Variants in ADD3 observed in about 807,000 individuals in gnomAD.
The protein encoded by ADD3 is gamma-adducin.
ADD3 carries 25 observed loss-of-function variants against 80.2 expected under a neutral mutation model. The observed-to-expected ratio is 0.31, with a 90% CI of 0.23 to 0.44. ADD3 has a LOEUF of 0.44. ADD3 is among the 20% of genes least tolerant of loss of function. The pLI, the probability that ADD3 is intolerant of heterozygous loss-of-function variation, is 1.00. For missense variants in ADD3, 829 were observed against 847.5 expected, an observed-to-expected ratio of 0.98 and a Z score of 0.27; for synonymous variants, 284 against 289.6, an observed-to-expected ratio of 0.98 and a Z score of 0.20.
intron 1 of ADD3, among the ~76,000 whole-genome samples, chr10:110,050,266 C>T (rs947875319): frequency 6.6e-6 from 1 of 152,096 alleles, no homozygotes; most frequent in Non-Finnish European, 1.5e-5. Context: ...TTGTAGCTCC[C>T]ATAATTCCCA....
rs770015423 is a variant in ADD3 at position 110,118,746 on chromosome 10, T to C, written c.717+10T>C. On this transcript the variant is annotated intron_variant, in intron 6 of 14. Coordinates refer to ENST00000356080, the MANE Select transcript of ADD3 (RefSeq NM_016824.5). ...CCTTGCAACAGCAGCTGTAAGTCAA[T>C]GAAAGTCCAAAACTGACAGGACGCT... is the stretch of plus-strand genomic sequence containing the variant. 5 of 1,612,352 alleles carry C rather than the reference T, an allele frequency of 3.1e-6. No homozygotes were observed. The African/African-American group carries it at 6.7e-5, about 22-fold the overall frequency.
intron 1 of ADD3, among the ~76,000 whole-genome samples, chr10:110,087,762 T>C (rs1272073617): frequency 8.5e-5 from 13 of 152,204 alleles, no homozygotes; most frequent in Admixed American, 2.6e-4. Flanking sequence ...AAAATAGATA[T>C]TAGGATGGAA....
intron 2 of ADD3, among the ~76,000 whole-genome samples, chr10:110,106,436 T>C (rs1295048791): frequency 6.6e-6 from 1 of 152,096 alleles, no homozygotes; most frequent in Non-Finnish European, 1.5e-5. Flanking sequence ...TGACCTTGGA[T>C]ACAGAGTTTT....
At chr10:110,038,069 CAAAAAA>C (rs754609555) in intron 1 of ADD3, among the ~76,000 whole-genome samples, 884 of 43,898 alleles carry the variant, frequency 0.02, 9 homozygotes, top group African/African-American at 0.048. Flanking sequence ...AACTCCGTCT[CAAAAAA>C]AAAAAAAAAA....
chr10:110,023,618 T>G (rs1853945132), intron 1 of ADD3, among the ~76,000 whole-genome samples: 1 of 152,204 alleles, frequency 6.6e-6, no homozygotes, highest in African/African-American at 2.4e-5. Context: ...AAGAGAACAC[T>G]TGTACTACTT....
intron 1 of ADD3, among the ~76,000 whole-genome samples, chr10:110,070,645 T>G (rs1844562267): frequency 6.6e-6 from 1 of 152,114 alleles, no homozygotes; most frequent in Non-Finnish European, 1.5e-5. Flanking sequence ...CCTTCTATCA[T>G]GCCACTGAGT....
At chr10:110,048,165 T>C (rs1210274504) in intron 1 of ADD3, among the ~76,000 whole-genome samples, 2 of 151,806 alleles carry the variant, frequency 1.3e-5, no homozygotes, top group African/African-American at 4.9e-5. Context: ...GCTTGATCAT[T>C]CTCTCTTGTC....
chr10:110,092,070 A>G (rs928724916), intron 1 of ADD3, among the ~76,000 whole-genome samples: 1 of 152,212 alleles, frequency 6.6e-6, no homozygotes, highest in African/African-American at 2.4e-5. Flanking sequence ...GACTGTTATT[A>G]AAATGTCAGA....
chr10:110,118,730 A>G lies in ADD3; in HGVS notation c.711A>G (p.Thr237=). 2 of 1,613,808 alleles carry G rather than the reference A, an allele frequency of 1.2e-6. No individual in the cohort carries two copies. The highest frequency in any genetic ancestry group is 1.7e-6 in the Non-Finnish European group (2 of 1,179,782). ...TGATACACATCCATACCCTTGCAAC[A>G]GCAGCTGTAAGTCAATGAAAGTCCA... ...KCVIHIHTLA[T]AAVSSMKCGI... is the part of the protein sequence containing the mutation. The change falls in exon 6 of 15, where the codon ACA becomes ACG. Residue 237 remains threonine (T), a synonymous_variant. Coordinates refer to ENST00000356080, the MANE Select transcript of ADD3 (RefSeq NM_016824.5).
intron 1 of ADD3, among the ~76,000 whole-genome samples, chr10:110,085,239 C>T (rs1590051034): frequency 6.6e-6 from 1 of 152,188 alleles, no homozygotes; most frequent in Non-Finnish European, 1.5e-5. Context: ...GCTTGCATGG[C>T]AGTTAATGTC....
At chr10:110,007,740 G>A (rs1175110072), upstream of ADD3, among the ~76,000 whole-genome samples, 2 of 152,164 alleles carry the variant, frequency 1.3e-5, no homozygotes, top group Non-Finnish European at 2.9e-5. Context: ...GGCTGCGGGG[G>A]CGGGACCAGG....
At chr10:110,127,432 C>G (rs1000545982) in intron 12 of ADD3, among the ~76,000 whole-genome samples, 4 of 152,176 alleles carry the variant, frequency 2.6e-5, no homozygotes, top group African/African-American at 9.7e-5. Flanking sequence ...TCCTGGCCAA[C>G]ATGGTGAAAC....
chr10:110,130,572 G>A, intron 13 of ADD3, 86 bp downstream of exon 13: 2 of 1,459,028 alleles, frequency 1.4e-6, no homozygotes, highest in African/African-American at 1.4e-5. Context: ...AGCAGTCAGT[G>A]TGGCCGGGCA....
chr10:110,072,866 T>G lies in ADD3; in HGVS notation c.-29-27759T>G, dbSNP rs557429469. On this transcript the variant is annotated intron_variant, in intron 1 of 14. Transcript: ENST00000356080. ...GAATTAAAACTATAGGATGGCAGAC[T>G]GTTTCATGAAGCTTCCTCCTACATA... Among the ~76,000 whole-genome samples, 30 of 152,350 alleles carry G rather than the reference T, an allele frequency of 2.0e-4. 1 individual carries two copies. In the South Asian group the frequency reaches 5.6e-3, roughly 28 times the overall value.
chr10:110,049,940 T>C (rs189191674), intron 1 of ADD3, among the ~76,000 whole-genome samples: 1,807 of 151,902 alleles, frequency 0.012, 17 homozygotes, highest in Middle Eastern at 0.038. Flanking sequence ...GGGACTTACA[T>C]GGGGTCTGTA....
intron 1 of ADD3, among the ~76,000 whole-genome samples, chr10:110,029,608 AG>A (rs1362135124): frequency 6.6e-6 from 1 of 152,242 alleles, no homozygotes; most frequent in East Asian, 1.9e-4. Context: ...CAAAGCTTTA[AG>A]CTCACCAATG....
chr10:110,050,663 C>G (rs1199562356), intron 1 of ADD3, among the ~76,000 whole-genome samples: 1 of 151,940 alleles, frequency 6.6e-6, no homozygotes, highest in Non-Finnish European at 1.5e-5. Context: ...CAGGTGTGCA[C>G]GACCACACCA....
chr10:110,003,355 A>T (rs1365467666), upstream of ADD3, among the ~76,000 whole-genome samples: 1 of 148,308 alleles, frequency 6.7e-6, no homozygotes, highest in Non-Finnish European at 1.5e-5. Flanking sequence ...GAAGAGAGAA[A>T]GATAAACCTG....
chr10:110,031,892 G>A (rs1260531909), intron 1 of ADD3, among the ~76,000 whole-genome samples: 5 of 150,352 alleles, frequency 3.3e-5, no homozygotes, highest in Admixed American at 3.3e-4. Context: ...ATTGACATAT[G>A]TATTACCTCA....
Sources: gnomAD v4.1 joint callset for allele counts (sites outside exome capture counted in the v4.1 genomes callset) on GRCh38, gnomAD v4.1.1 for gene constraint, MANE v1.5 for transcripts, NCBI Gene and HGNC (gene_info 2026-07-23, HGNC 2026-07-21) for gene names.